Variants in TSPAN2 observed in about 807,000 individuals in gnomAD.
TSPAN2 encodes the protein tetraspanin-2.
Under a neutral mutation model 33.3 loss-of-function variants are expected in TSPAN2, and 24 were observed. That is an observed-to-expected ratio of 0.72 (90% CI 0.52 to 1.01). The LOEUF (loss-of-function observed/expected upper bound fraction) is 1.01, where lower values mean the gene tolerates loss of function less well. Ranked by LOEUF, TSPAN2 falls within the 50% of genes least tolerant of loss-of-function variation. The pLI, the probability that TSPAN2 is intolerant of heterozygous loss-of-function variation, is 0.00. For missense variants in TSPAN2, 278 were observed against 281.3 expected, an observed-to-expected ratio of 0.99 and a Z score of 0.08; for synonymous variants, 114 against 104.5, an observed-to-expected ratio of 1.09 and a Z score of -0.56.
At chr1:115,061,713 C>G (rs1237732211) in intron 3 of TSPAN2, among the ~76,000 whole-genome samples, 2 of 151,992 alleles carry the variant, frequency 1.3e-5, no homozygotes, top group African/African-American at 4.8e-5. Flanking sequence ...GCTCTGTCGC[C>G]CAGGTTGGAG....
chr1:115,067,032 C>T (rs1347861495), intron 2 of TSPAN2, among the ~76,000 whole-genome samples: 1 of 152,160 alleles, frequency 6.6e-6, no homozygotes, highest in Non-Finnish European at 1.5e-5. Flanking sequence ...CACCACAGAA[C>T]AGATACTATG....
At chr1:115,052,606 G>A (rs973476933) in intron 7 of TSPAN2, among the ~76,000 whole-genome samples, 54 of 151,874 alleles carry the variant, frequency 3.6e-4, no homozygotes, top group Non-Finnish European at 2.9e-5. Flanking sequence ...ACCACCTCTC[G>A]CAACTCCTGC....
chr1:115,088,741 C>T (rs1195218449), intron 1 of TSPAN2, among the ~76,000 whole-genome samples: 1 of 152,002 alleles, frequency 6.6e-6, no homozygotes, highest in African/African-American at 2.4e-5. Flanking sequence ...TTCCCCATCC[C>T]CTTCTCAGAA....
At position 115,050,347 on chromosome 1, in the gene TSPAN2, C is replaced by T. The variant is rs1675279191; in HGVS notation, c.*143G>A. 1 of 761,198 alleles carries T rather than the reference C, an allele frequency of 1.3e-6. No individual in the cohort carries two copies. Among genetic ancestry groups the T allele is most frequent in the African/African-American group, 1.7e-5 (1 of 57,398 alleles). 47.2% of individuals were successfully genotyped at this position (761,198 alleles called of 1,614,324 possible). Reference sequence around the variant, plus strand: ...AGGGGTAAACCAGTAATGAGCCAAACATACGTACTCATGCAAATGTACAAT... The same window carrying T: ...AGGGGTAAACCAGTAATGAGCCAAATATACGTACTCATGCAAATGTACAAT... On this transcript the variant is annotated 3_prime_UTR_variant, in exon 8 of 8. Transcript: ENST00000369516.
intron 1 of TSPAN2, among the ~76,000 whole-genome samples, chr1:115,073,544 T>C (rs998875996): frequency 4.3e-5 from 6 of 140,844 alleles, no homozygotes; most frequent in African/African-American, 1.6e-4. Flanking sequence ...GAGTGCACAG[T>C]CCCCAAATAG....
chr1:115,082,746 A>C (rs1224430070), intron 1 of TSPAN2, among the ~76,000 whole-genome samples: 1 of 152,206 alleles, frequency 6.6e-6, no homozygotes, highest in Non-Finnish European at 1.5e-5. Context: ...TAAATCTGAC[A>C]CTGAATATAA....
chr1:115,051,172 T>C (rs1675305061), intron 7 of TSPAN2, among the ~76,000 whole-genome samples: 1 of 152,002 alleles, frequency 6.6e-6, no homozygotes, highest in Non-Finnish European at 1.5e-5. Context: ...TAGCTGAGCA[T>C]GGTGGTGTGT....
chr1:115,083,612 C>G (rs549469509), intron 1 of TSPAN2, among the ~76,000 whole-genome samples: 212 of 152,236 alleles, frequency 1.4e-3, no homozygotes, highest in African/African-American at 5.0e-3. Flanking sequence ...GAAATGCAGA[C>G]CCACTGAATC....
At chr1:115,075,045 A>T (rs929709946) in intron 1 of TSPAN2, among the ~76,000 whole-genome samples, 1 of 152,194 alleles carries the variant, frequency 6.6e-6, no homozygotes, top group East Asian at 1.9e-4. Flanking sequence ...CACCGAGCAG[A>T]CTGTGGAGGA....
chr1:115,075,288 A>G (rs1194244477), intron 1 of TSPAN2, among the ~76,000 whole-genome samples: 3 of 152,102 alleles, frequency 2.0e-5, no homozygotes, highest in African/African-American at 7.2e-5. Flanking sequence ...ACCCCCAACC[A>G]CACGGGTTTC....
At chr1:115,066,562 G>T (rs534645122) in intron 2 of TSPAN2, among the ~76,000 whole-genome samples, 2 of 152,036 alleles carry the variant, frequency 1.3e-5, no homozygotes, top group African/African-American at 4.8e-5. Context: ...ACCTCCTAAC[G>T]GCCTACTGGG....
intron 1 of TSPAN2, among the ~76,000 whole-genome samples, chr1:115,082,138 T>C (rs1272711844): frequency 6.6e-6 from 1 of 152,242 alleles, no homozygotes; most frequent in Non-Finnish European, 1.5e-5. Context: ...CACCTATGGC[T>C]ATGGAGCTCT....
chr1:115,067,419 G>T (rs148749076), intron 2 of TSPAN2, among the ~76,000 whole-genome samples: 97 of 152,274 alleles, frequency 6.4e-4, no homozygotes, highest in Middle Eastern at 6.8e-3. Flanking sequence ...CTTCAGTTTC[G>T]TTAGCTGCAA....
At chr1:115,062,020 A>T in intron 3 of TSPAN2, 115 bp downstream of exon 3, 1 of 810,418 alleles carries the variant, frequency 1.2e-6, no homozygotes, top group Non-Finnish European at 2.0e-6. Context: ...GTGCATGCCA[A>T]GGGCTCAGAG....
chr1:115,062,073 C>A (rs1647749773), intron 3 of TSPAN2, 62 bp downstream of exon 3: 2 of 1,389,362 alleles, frequency 1.4e-6, no homozygotes, highest in Admixed American at 2.0e-5. Context: ...GGCACTGACT[C>A]CCTTCAGATG....
intron 1 of TSPAN2, among the ~76,000 whole-genome samples, chr1:115,080,344 C>T (rs1648579049): frequency 6.6e-6 from 1 of 152,046 alleles, no homozygotes; most frequent in Non-Finnish European, 1.5e-5. Context: ...AGTGCAGTGG[C>T]CTGATCACAG....
chr1:115,075,119 C>G (rs959078148), intron 1 of TSPAN2, among the ~76,000 whole-genome samples: 1 of 152,206 alleles, frequency 6.6e-6, no homozygotes, highest in African/African-American at 2.4e-5. Context: ...TACACAAACT[C>G]TAATTTATAG....
chr1:115,085,123 A>G (rs1216483844), intron 1 of TSPAN2, among the ~76,000 whole-genome samples: 7 of 151,222 alleles, frequency 4.6e-5, no homozygotes, highest in South Asian at 4.2e-4. Flanking sequence ...GCAACGTAGG[A>G]AAAAAAAAGG....
chr1:115,052,388 T>C (rs1675338802), intron 7 of TSPAN2, among the ~76,000 whole-genome samples: 1 of 152,288 alleles, frequency 6.6e-6, no homozygotes, highest in South Asian at 2.1e-4. Flanking sequence ...CATCTTAGCA[T>C]TAGCTATTAT....
Sources: allele counts gnomAD v4.1 joint callset (sites outside exome capture counted in the v4.1 genomes callset), GRCh38; gene constraint gnomAD v4.1.1; transcripts MANE v1.5; gene names NCBI Gene and HGNC (gene_info 2026-07-23, HGNC 2026-07-21).